The following CBY2 variants were observed in gnomAD, a reference collection of about 807,000 sequenced individuals.
CBY2 encodes the protein chibby family member 2.
A neutral mutation model predicts 25.3 loss-of-function variants in CBY2; 23 were observed. The observed-to-expected ratio is 0.91, with a 90% confidence interval of 0.65 to 1.29. The LOEUF (loss-of-function observed/expected upper bound fraction) is 1.29. Among genes scored for constraint, CBY2 ranks in the 50% most tolerant of loss-of-function variants. The pLI is 0.00. For missense variants in CBY2, 642 were observed against 590.7 expected (o/e 1.09, Z -0.90); for synonymous variants, 279 against 260.2 (o/e 1.07, Z -0.70).
At chr13:45,706,626 A>T (rs1293550883) in intron 2 of CBY2, among the ~76,000 whole-genome samples, 1 of 152,164 alleles carries the variant, frequency 6.6e-6, no homozygotes, top group Non-Finnish European at 1.5e-5. Flanking sequence ...CAGAAAAGAG[A>T]CAATCTTTTA....
intron 2 of CBY2, among the ~76,000 whole-genome samples, chr13:45,711,185 G>A (rs1372734341): frequency 6.6e-6 from 1 of 152,002 alleles, no homozygotes; most frequent in Non-Finnish European, 1.5e-5. Context: ...ACTTCTTTTT[G>A]AATACATCTT....
Position 45,714,090 on chromosome 13 carries a change from C to T in CBY2, c.1065C>T (p.Pro355=). The T allele has an allele frequency of 1.3e-6, 2 of 1,543,256 alleles. No individual in the cohort carries two copies. The highest frequency in any genetic ancestry group is 1.7e-6 in the Non-Finnish European group (2 of 1,143,300). Residue 355 remains proline, a synonymous_variant, in exon 3 of 3, where the codon CCC becomes CCT. Coordinates refer to ENST00000310521, the MANE Select transcript of CBY2 (RefSeq NM_152719.3). ...VGPGLPDGCQ[P]LQLLREMRQA... ...CGGGCCTGCCCGACGGCTGCCAGCC[C>T]CTGCAGCTGCTGAGAGAGATGAGGC...
At position 45,713,071 on chromosome 13, in the gene CBY2, G is replaced by A. The variant is rs1950280148; in HGVS notation, c.157-111G>A. 2 of 884,278 alleles carry A rather than the reference G, an allele frequency of 2.3e-6. No homozygotes were observed. Among genetic ancestry groups the A allele is most frequent in the Non-Finnish European group, 3.4e-6 (2 of 592,660 alleles). The allele number at this position is 884,278 out of a possible 1,614,324, so 54.8% of individuals were successfully genotyped here. A position where few individuals can be genotyped will look rare whatever the true frequency, so the allele number is the denominator to read the frequency against. On this transcript the variant is annotated intron_variant, in intron 2 of 2. Transcript: ENST00000310521. The surrounding 1 kb of genome is among the most constrained non-coding windows in gnomAD (Gnocchi z 5.0). ...GAAGCAAAAGCGCCCACTGTGGCCA[G>A]GCCAGACAATCAGACGGGGCTTATT...
Position 45,713,993 on chromosome 13 carries a change from A to G in CBY2, c.968A>G (p.Glu323Gly). The G allele has an allele frequency of 6.7e-7, 1 of 1,500,362 alleles. No individual in the cohort carries two copies. The highest frequency in any genetic ancestry group is 8.9e-7 in the Non-Finnish European group (1 of 1,127,608). 92.9% of individuals were successfully genotyped at this position (1,500,362 alleles called of 1,614,324 possible). A position where few individuals can be genotyped will look rare whatever the true frequency, so the allele number is the denominator to read the frequency against. ...GPPARQEDSK[E>G]LRALRKMVSN... Reference sequence around the variant, plus strand: ...CCGGCCCGGCAGGAGGACTCCAAGGAGCTGCGCGCCCTGCGGAAGATGGTC... The same window carrying G: ...CCGGCCCGGCAGGAGGACTCCAAGGGGCTGCGCGCCCTGCGGAAGATGGTC... The change falls in exon 3 of 3, where the codon GAG becomes GGG. Residue 323 changes from glutamate to glycine, a missense_variant. Glu to Gly is a moderately conservative substitution (Grantham distance 98, BLOSUM62 -2). Coordinates refer to ENST00000310521, the MANE Select transcript of CBY2 (RefSeq NM_152719.3). This position sits in a 1 kb window ranked among gnomAD's most constrained non-coding sequence, Gnocchi z 5.0.
In CBY2 at chr13:45,713,767, C is replaced by A; in HGVS notation, c.742C>A (p.Gln248Lys). The A allele has an allele frequency of 1.2e-6, 2 of 1,604,706 alleles. No individual in the cohort carries two copies. The highest frequency in any genetic ancestry group is 2.2e-5 in the South Asian group (2 of 90,492). Residue 248 changes from glutamine (Q) to lysine (K), a missense_variant, in exon 3 of 3, where the codon CAG becomes AAG. Transcript: ENST00000310521. The surrounding 1 kb of genome is among the most constrained non-coding windows in gnomAD (Gnocchi z 5.0). ...CCGTGGCAAGGAGGACAGCACCCTGCAGCTCCTCCGGGAGGAGAATCGCGC... is the reference window on the plus strand; with the variant it reads ...CCGTGGCAAGGAGGACAGCACCCTGAAGCTCCTCCGGGAGGAGAATCGCGC... ...VPRGKEDSTL[Q>K]LLREENRALQ...
At chr13:45,710,208 T>G (rs1369378614) in intron 2 of CBY2, among the ~76,000 whole-genome samples, 1 of 152,182 alleles carries the variant, frequency 6.6e-6, no homozygotes, top group African/African-American at 2.4e-5. Context: ...TTAGTTCTAG[T>G]GCAAGGATGG....
At position 45,713,684 on chromosome 13, in the gene CBY2, A is replaced by G. The variant is rs370124192; in HGVS notation, c.659A>G (p.His220Arg). 7.4e-6 allele frequency: 12 copies of G among 1,612,646 alleles called. No homozygotes were observed. The highest frequency in any genetic ancestry group is 1.7e-5 in the Admixed American group (1 of 60,004). Reference sequence around the variant, plus strand: ...AGCCGGGCCCCCTCGCCACTGCTGCACAAAGACAGCGCGTCCCTGGAGGTG... The same window carrying G: ...AGCCGGGCCCCCTCGCCACTGCTGCGCAAAGACAGCGCGTCCCTGGAGGTG... The part of the protein sequence containing the change: ...EESRAPSPLL[H>R]KDSASLEVVK... The change falls in exon 3 of 3, where the codon CAC becomes CGC. Residue 220 changes from histidine to arginine, a missense_variant. By Grantham distance (29) the His-to-Arg change is conservative (BLOSUM62 0). Coordinates refer to ENST00000310521, the MANE Select transcript of CBY2 (RefSeq NM_152719.3). This position sits in a 1 kb window ranked among gnomAD's most constrained non-coding sequence, Gnocchi z 5.0.
intron 2 of CBY2, chr13:45,703,662 A>G (rs1392099186): frequency 1.5e-6 from 2 of 1,321,872 alleles, no homozygotes; most frequent in Non-Finnish European, 2.1e-6. Context: ...TTCCATATAT[A>G]TAATTGTAAC....
At chr13:45,703,340 G>C in intron 2 of CBY2, 6 of 1,417,408 alleles carry the variant, frequency 4.2e-6, no homozygotes, top group Non-Finnish European at 5.5e-6. Flanking sequence ...GACAGATGTA[G>C]GGGCCATGGG....
At position 45,714,290 on chromosome 13, in the gene CBY2, C is replaced by T. The variant is rs1301086588; in HGVS notation, c.1265C>T (p.Ala422Val). 2 of 1,613,198 alleles carry T rather than the reference C, an allele frequency of 1.2e-6. No homozygotes were observed. Among genetic ancestry groups the T allele is most frequent in the Non-Finnish European group, 1.7e-6 (2 of 1,179,876 alleles). ...ATTGACACCGTGACCGAGGTCACCG[C>T]GCGCATGGAAATGCTCATCGAGGAG... Reference protein sequence around the residue: ...LVIDTVTEVTARMEMLIEELY... With the variant: ...LVIDTVTEVTVRMEMLIEELY... The change falls in exon 3 of 3, where the codon GCG (alanine) becomes GTG (valine). Residue 422 changes from alanine (A) to valine (V), a missense_variant. Ala to Val is a moderately conservative substitution (Grantham distance 64). Coordinates refer to ENST00000310521, the MANE Select transcript of CBY2 (RefSeq NM_152719.3).
intron 2 of CBY2, among the ~76,000 whole-genome samples, chr13:45,706,251 T>A (rs956372530): frequency 7.2e-5 from 11 of 152,228 alleles, no homozygotes; most frequent in Admixed American, 5.2e-4. Flanking sequence ...GACACAGTTG[T>A]TGGCAGATTT....
At position 45,713,372 on chromosome 13, in the gene CBY2, A is replaced by G; in HGVS notation, c.347A>G (p.Tyr116Cys). 1 of 1,614,196 alleles carries G rather than the reference A, an allele frequency of 6.2e-7. No individual in the cohort carries two copies. Residue 116 changes from tyrosine (Y) to cysteine (C), a missense_variant, in exon 3 of 3, where the codon TAC (tyrosine) becomes TGC (cysteine). Coordinates refer to ENST00000310521, the MANE Select transcript of CBY2 (RefSeq NM_152719.3). This position sits in a 1 kb window ranked among gnomAD's most constrained non-coding sequence, Gnocchi z 5.0. ...PMSQADLELD[Y>C]NPPRVQLSDE... ...TCCCAGGCCGACCTGGAGCTGGACT[A>G]CAACCCGCCGCGGGTGCAGCTCAGC...
At chr13:45,703,557 G>A (rs1444759063) in intron 2 of CBY2, 16 of 1,550,892 alleles carry the variant, frequency 1.0e-5, no homozygotes, top group Non-Finnish European at 1.3e-5. Context: ...CAACCAGAGG[G>A]GTTGAAATGT....
At chr13:45,703,638 AC>A in intron 2 of CBY2, 2 of 1,472,908 alleles carry the variant, frequency 1.4e-6, no homozygotes, top group Non-Finnish European at 1.9e-6. Context: ...AGGAGGATTG[AC>A]CACTGGTGGG....
chr13:45,703,094 C>T, intron 2 of CBY2: 4 of 1,311,206 alleles, frequency 3.1e-6, no homozygotes, highest in Non-Finnish European at 2.9e-6. Context: ...GTAAGAACTT[C>T]CAGTCCTAAC....
chr13:45,711,730 T>G lies in CBY2; in HGVS notation c.157-1452T>G, dbSNP rs138637256. 2.9e-3 allele frequency among the ~76,000 whole-genome samples: 443 copies of G among 152,270 alleles called. 5 individuals are homozygous for G. The highest frequency in any genetic ancestry group is 9.6e-3 in the African/African-American group (400 of 41,550). ...ACTCACTGGAGTTATTTTTCTGTAC[T>G]GGGATGTGTGAAAGCTACCAGCTCA... On this transcript the variant is annotated intron_variant, in intron 2 of 2. Transcript: ENST00000310521.
intron 2 of CBY2, among the ~76,000 whole-genome samples, chr13:45,708,275 A>G (rs1264906934): frequency 6.6e-6 from 1 of 152,252 alleles, no homozygotes; most frequent in African/African-American, 2.4e-5. Flanking sequence ...TATAGTGCAG[A>G]GCCAGAATTC....
chr13:45,709,844 C>A (rs1359555507), intron 2 of CBY2, among the ~76,000 whole-genome samples: 1 of 152,114 alleles, frequency 6.6e-6, no homozygotes, highest in East Asian at 1.9e-4. Flanking sequence ...TACTGCAGGA[C>A]TTTTGATAAA....
At chr13:45,712,288 A>C (rs1249183530) in intron 2 of CBY2, among the ~76,000 whole-genome samples, 2 of 152,264 alleles carry the variant, frequency 1.3e-5, no homozygotes, top group African/African-American at 4.8e-5. Flanking sequence ...AGTAAATGCA[A>C]TTATCCCAAT....
Sources: gnomAD v4.1 joint callset for allele counts (sites outside exome capture counted in the v4.1 genomes callset) on GRCh38, gnomAD v4.1.1 for gene constraint, Gnocchi (gnomAD v3.1) non-coding constraint, MANE v1.5 for transcripts, NCBI Gene and HGNC (gene_info 2026-07-23, HGNC 2026-07-21) for gene names.